Variants in CEP170 observed in about 807,000 individuals in gnomAD.
CEP170 encodes the protein centrosomal protein of 170 kDa.
A neutral mutation model predicts 151.9 loss-of-function variants in CEP170; 21 were observed. That is an observed-to-expected ratio of 0.14 (90% CI 0.10 to 0.20). CEP170 has a LOEUF of 0.20. CEP170 is among the 10% of genes least tolerant of loss of function. CEP170 has a pLI of 1.00. For missense variants in CEP170, 964 were observed against 1,892.9 expected (o/e 0.51, Z 9.11); for synonymous variants, 356 against 648.8 (o/e 0.55, Z 6.86).
intron 1 of CEP170, among the ~76,000 whole-genome samples, chr1:243,252,058 T>G (rs1204047722): frequency 3.3e-5 from 5 of 152,132 alleles, no homozygotes; most frequent in Non-Finnish European, 7.4e-5. Flanking sequence ...TGATTAGAAA[T>G]TTTGGTTATT....
intron 13 of CEP170, among the ~76,000 whole-genome samples, chr1:243,160,713 A>T (rs2057996100): frequency 2.0e-5 from 3 of 152,252 alleles, no homozygotes; most frequent in Admixed American, 2.0e-4. Flanking sequence ...GCATTCAGCA[A>T]TAAGATCAGC....
rs1186443748 is a variant in CEP170, at chr1:243,126,300, C to T, written c.*149G>A. The T allele has an allele frequency of 2.4e-5, 20 of 834,750 alleles. No homozygotes were observed. Among genetic ancestry groups the T allele is most frequent in the African/African-American group, 1.2e-4 (7 of 57,954 alleles). 51.7% of individuals were successfully genotyped at this position (834,750 alleles called of 1,614,324 possible). A position where few individuals can be genotyped will look rare whatever the true frequency, so the allele number is the denominator to read the frequency against. ...GAAAGGATTGATATACTACATTATACGTCAAAAATAAATAAATAAAATTAA... is the reference window on the plus strand; with the variant it reads ...GAAAGGATTGATATACTACATTATATGTCAAAAATAAATAAATAAAATTAA... On this transcript the variant is annotated 3_prime_UTR_variant, in exon 20 of 20. Coordinates refer to ENST00000366542, the MANE Select transcript of CEP170 (RefSeq NM_014812.3).
At chr1:243,242,899 C>T (rs1236778669) in intron 1 of CEP170, among the ~76,000 whole-genome samples, 1 of 152,104 alleles carries the variant, frequency 6.6e-6, no homozygotes, top group Non-Finnish European at 1.5e-5. Flanking sequence ...GGGGTTTCTC[C>T]ATGCTGGTCA....
intron 1 of CEP170, among the ~76,000 whole-genome samples, chr1:243,237,096 G>C (rs943684241): frequency 2.0e-5 from 3 of 152,148 alleles, no homozygotes; most frequent in African/African-American, 7.2e-5. Flanking sequence ...ACGTCTCAGA[G>C]TCTATTTTAA....
At chr1:243,134,289 A>G (rs2054768849) in intron 17 of CEP170, among the ~76,000 whole-genome samples, 1 of 152,202 alleles carries the variant, frequency 6.6e-6, no homozygotes, top group South Asian at 2.1e-4. Flanking sequence ...CCTAGAATGT[A>G]CCTAATACTT....
chr1:243,231,175 CATCATCATCATCATCATT>C lies in CEP170; in HGVS notation c.-41-5872_-41-5855del, dbSNP rs2063710937. ...CAAGCATCATCATCATCATCATCAT[CATCATCATCATCATCATT>C]ATTATTATTATTATCATCATTATTA... On this transcript the variant is annotated intron_variant, in intron 1 of 19. Transcript: ENST00000366542. Among the ~76,000 whole-genome samples, 3 of 124,268 alleles carry C rather than the reference CATCATCATCATCATCATT, an allele frequency of 2.4e-5. No homozygotes were observed. The Admixed American group carries it at 2.7e-4, about 11-fold the overall frequency. The allele number at this position is 124,268 out of a possible 152,430, so 81.5% of individuals were successfully genotyped here. A position where few individuals can be genotyped will look rare whatever the true frequency, so the allele number is the denominator to read the frequency against.
At chr1:243,159,813 G>C (rs1425485194) in intron 13 of CEP170, among the ~76,000 whole-genome samples, 4 of 148,820 alleles carry the variant, frequency 2.7e-5, no homozygotes, top group African/African-American at 1.0e-4. Flanking sequence ...TTTTGAGATG[G>C]AGTCTCCCTC....
At position 243,205,151 on chromosome 1, in the gene CEP170, A is replaced by T. The variant is rs189547675; in HGVS notation, c.275-4316T>A. On this transcript the variant is annotated intron_variant, in intron 4 of 19. Transcript: ENST00000366542. ...AAGTCAAGAGTCCAAGCAAATCAACATTACTGGAATTCCCAGGACTGAGTA... is the reference window on the plus strand; with the variant it reads ...AAGTCAAGAGTCCAAGCAAATCAACTTTACTGGAATTCCCAGGACTGAGTA... Among the ~76,000 whole-genome samples the T allele has an allele frequency of 3.9e-3, 595 of 152,296 alleles. 1 individual carries two copies. Among genetic ancestry groups the T allele is most frequent in the Middle Eastern group, 6.8e-3 (2 of 294 alleles).
rs531683106 is a variant in CEP170, at chr1:243,180,055, A to G, written c.1566+5724T>C. On this transcript the variant is annotated intron_variant, in intron 10 of 19. Transcript: ENST00000366542. Reference sequence around the variant, plus strand: ...GATGGTTGTGCAACATTTTAAACGTATTTAATAACACTAAACGCTACATTT... The same window carrying G: ...GATGGTTGTGCAACATTTTAAACGTGTTTAATAACACTAAACGCTACATTT... Among the ~76,000 whole-genome samples, 4 of 152,348 alleles carry G rather than the reference A, an allele frequency of 2.6e-5. No individual in the cohort carries two copies. In the East Asian group the frequency reaches 7.7e-4, roughly 29 times the overall value.
chr1:243,158,196 G>T (rs1416093094), intron 13 of CEP170, among the ~76,000 whole-genome samples: 1 of 152,064 alleles, frequency 6.6e-6, no homozygotes, highest in Non-Finnish European at 1.5e-5. Flanking sequence ...AAATACGGCA[G>T]GCAAAATCAG....
At chr1:243,209,934 C>T (rs2061672711) in intron 4 of CEP170, among the ~76,000 whole-genome samples, 1 of 152,110 alleles carries the variant, frequency 6.6e-6, no homozygotes, top group Non-Finnish European at 1.5e-5. Context: ...ACCTCATGAT[C>T]CGCCTGCCTC....
chr1:243,234,774 G>C (rs923425376), intron 1 of CEP170, among the ~76,000 whole-genome samples: 1 of 152,048 alleles, frequency 6.6e-6, no homozygotes, highest in Admixed American at 6.6e-5. Flanking sequence ...TTTCAACTAA[G>C]GATTCATTAT....
At chr1:243,135,165 C>T (rs2054899742) in intron 17 of CEP170, among the ~76,000 whole-genome samples, 1 of 151,998 alleles carries the variant, frequency 6.6e-6, no homozygotes, top group Non-Finnish European at 1.5e-5. Context: ...TTTTAGGAGG[C>T]AATAAAGTGA....
intron 4 of CEP170, among the ~76,000 whole-genome samples, chr1:243,209,529 T>C (rs563069083): frequency 3.3e-5 from 5 of 152,328 alleles, no homozygotes; most frequent in East Asian, 1.9e-4. Context: ...CTCCAAAGTA[T>C]AGCAGTTTAT....
intron 12 of CEP170, among the ~76,000 whole-genome samples, chr1:243,168,811 AGCC>A (rs1300539167): frequency 6.6e-6 from 1 of 151,844 alleles, no homozygotes; most frequent in East Asian, 1.9e-4. Flanking sequence ...TTGTTTAAAA[AGCC>A]TTTATATTTC....
In CEP170 at chr1:243,125,602, T is replaced by C. The variant is rs1258750563; in HGVS notation, c.*847A>G. 1 of 154,850 alleles carries C rather than the reference T, an allele frequency of 6.5e-6. No individual in the cohort carries two copies. The highest frequency in any genetic ancestry group is 2.4e-5 in the African/African-American group (1 of 41,346). 9.6% of individuals were successfully genotyped at this position (154,850 alleles called of 1,614,324 possible). ...CTCCACCTAAACTATCTGTCTAGTT[T>C]AATCTTTCTAGTTATCATTTAACCT... On this transcript the variant is annotated 3_prime_UTR_variant, in exon 20 of 20. Transcript: ENST00000366542.
At chr1:243,181,166 T>C (rs1282105829) in intron 10 of CEP170, among the ~76,000 whole-genome samples, 3 of 152,182 alleles carry the variant, frequency 2.0e-5, no homozygotes, top group African/African-American at 7.2e-5. Flanking sequence ...TCAGTGGTTA[T>C]CTCTTTTGAT....
chr1:243,245,989 T>C lies in CEP170; in HGVS notation c.-42+9051A>G, dbSNP rs530629505. Among the ~76,000 whole-genome samples the C allele has an allele frequency of 1.4e-3, 209 of 151,552 alleles. 1 individual carries two copies. Among genetic ancestry groups the C allele is most frequent in the African/African-American group, 4.8e-3 (199 of 41,402 alleles). ...GAAAGCAAATTTTAAAAAAGATACG[T>C]AATATTCAGCACTGATGAAGGGGTG... On this transcript the variant is annotated intron_variant, in intron 1 of 19. Transcript: ENST00000366542.
intron 1 of CEP170, among the ~76,000 whole-genome samples, chr1:243,251,795 T>C (rs1377883160): frequency 6.6e-6 from 1 of 152,198 alleles, no homozygotes; most frequent in African/African-American, 2.4e-5. Flanking sequence ...GTAGATTTTA[T>C]GAGGTTTTCT....
Sources: allele counts gnomAD v4.1 joint callset (sites outside exome capture counted in the v4.1 genomes callset), GRCh38; gene constraint gnomAD v4.1.1; transcripts MANE v1.5; gene names NCBI Gene and HGNC (gene_info 2026-07-23, HGNC 2026-07-21).